CRADD: variants seen among roughly 807,000 people sequenced by gnomAD.
CRADD encodes the protein death domain-containing protein CRADD.
CRADD carries 9 observed loss-of-function variants against 15.5 expected under a neutral mutation model. The observed-to-expected ratio is 0.58, with a 90% confidence interval of 0.35 to 1.01. CRADD has a LOEUF of 1.01. Among genes scored for constraint, CRADD ranks in the 50% least tolerant of loss-of-function variants. The pLI is 0.02. For synonymous variants in CRADD, 118 were observed against 107.6 expected (o/e 1.10, Z -0.60); for missense variants, 227 against 250.3 (o/e 0.91, Z 0.63).
chr12:93,687,420 A>G (rs1196707463), intron 2 of CRADD, among the ~76,000 whole-genome samples: 1 of 152,146 alleles, frequency 6.6e-6, no homozygotes, highest in Non-Finnish European at 1.5e-5. Context: ...CTTTTACAAA[A>G]CTACTGATGC....
At chr12:93,857,110 G>A (rs953937222) in intron 2 of CRADD, among the ~76,000 whole-genome samples, 1 of 150,962 alleles carries the variant, frequency 6.6e-6, no homozygotes, top group Admixed American at 6.6e-5. Flanking sequence ...CATAGGCTAT[G>A]AAATCCAGGT....
intron 2 of CRADD, among the ~76,000 whole-genome samples, chr12:93,760,483 C>T (rs1263172040): frequency 6.6e-6 from 1 of 152,122 alleles, no homozygotes; most frequent in East Asian, 1.9e-4. Flanking sequence ...GCTAGGTTAG[C>T]AGTGTCCGTT....
chr12:93,746,130 A>G (rs545039430), intron 2 of CRADD, among the ~76,000 whole-genome samples: 21 of 152,206 alleles, frequency 1.4e-4, no homozygotes, highest in Non-Finnish European at 2.9e-4. Flanking sequence ...CTAGCAGCCA[A>G]AACAAAAAGA....
chr12:93,729,863 G>A (rs1956434147), intron 2 of CRADD, among the ~76,000 whole-genome samples: 1 of 151,742 alleles, frequency 6.6e-6, no homozygotes, highest in African/African-American at 2.4e-5. Flanking sequence ...TAATGTCAAT[G>A]TGGAGAAAAT....
downstream of CRADD, among the ~76,000 whole-genome samples, chr12:93,852,108 A>G (rs1958229593): frequency 3.9e-5 from 6 of 152,230 alleles, no homozygotes; most frequent in Non-Finnish European, 2.9e-5. Context: ...CACTGTGCCC[A>G]GTGATAGACT....
At chr12:93,699,893 G>A (rs545773441) in intron 2 of CRADD, among the ~76,000 whole-genome samples, 1 of 152,130 alleles carries the variant, frequency 6.6e-6, no homozygotes, top group African/African-American at 2.4e-5. Flanking sequence ...GTAAGAGAGG[G>A]GTAACATGCA....
At chr12:93,698,505 T>A (rs976584925) in intron 2 of CRADD, among the ~76,000 whole-genome samples, 6 of 152,226 alleles carry the variant, frequency 3.9e-5, no homozygotes, top group African/African-American at 1.4e-4. Context: ...CTTCTCTAAA[T>A]GACTCTTCAG....
intron 2 of CRADD, among the ~76,000 whole-genome samples, chr12:93,811,487 G>C (rs989817275): frequency 4.6e-5 from 7 of 152,200 alleles, no homozygotes; most frequent in Non-Finnish European, 8.8e-5. Context: ...TGCTGGTTTT[G>C]CTTGGTGATG....
At chr12:93,763,452 C>CT (rs201824419) in intron 2 of CRADD, among the ~76,000 whole-genome samples, 7,306 of 146,890 alleles carry the variant, frequency 0.05, 441 homozygotes, top group Admixed American at 0.13. Context: ...ATATTTTCTT[C>CT]TTTTTTTTTT....
At chr12:93,844,926 A>G (rs1468450302) in intron 2 of CRADD, among the ~76,000 whole-genome samples, 1 of 152,208 alleles carries the variant, frequency 6.6e-6, no homozygotes, top group Non-Finnish European at 1.5e-5. Context: ...ATACAGATCA[A>G]TATGGGAAGC....
intron 2 of CRADD, among the ~76,000 whole-genome samples, chr12:93,713,826 TG>T (rs1956116619): frequency 6.6e-6 from 1 of 152,192 alleles, no homozygotes; most frequent in Non-Finnish European, 1.5e-5. Context: ...TTTGATATAT[TG>T]GGTTACATAA....
rs116805891 is a variant in CRADD, at chr12:93,818,330, C to T, written c.299-31640C>T. On this transcript the variant is annotated intron_variant, in intron 2 of 2. Transcript: ENST00000332896. ...AAGAAGATGGGATACAAAAAGGTAC[C>T]TAGTGAAAAGGCAGCCTCTCCTTCA... Among the ~76,000 whole-genome samples, 348 of 152,238 alleles carry T rather than the reference C, an allele frequency of 2.3e-3. 1 individual carries two copies. The highest frequency in any genetic ancestry group is 7.8e-3 in the African/African-American group (324 of 41,554).
chr12:93,840,479 T>C (rs1382797566), intron 2 of CRADD, among the ~76,000 whole-genome samples: 1 of 152,254 alleles, frequency 6.6e-6, no homozygotes, highest in African/African-American at 2.4e-5. Context: ...TATTTTTCTA[T>C]GTATTAGGTC....
intron 2 of CRADD, among the ~76,000 whole-genome samples, chr12:93,683,761 C>T (rs768650743): frequency 6.6e-6 from 1 of 152,236 alleles, no homozygotes; most frequent in Non-Finnish European, 1.5e-5. Flanking sequence ...AGTCACTGAG[C>T]TCTTAATGGC....
intron 2 of CRADD, among the ~76,000 whole-genome samples, chr12:93,888,631 C>T (rs1958555057): frequency 6.6e-6 from 1 of 151,958 alleles, no homozygotes; most frequent in African/African-American, 2.4e-5. Context: ...GCATGCAAGG[C>T]AGGGTGGTGG....
intron 2 of CRADD, among the ~76,000 whole-genome samples, chr12:93,792,760 G>T (rs1957364233): frequency 6.6e-6 from 1 of 152,120 alleles, no homozygotes; most frequent in South Asian, 2.1e-4. Context: ...AGAAAAGTTA[G>T]ATAACCTCCC....
intron 2 of CRADD, among the ~76,000 whole-genome samples, chr12:93,796,002 G>A (rs1957411867): frequency 6.6e-6 from 1 of 152,202 alleles, no homozygotes; most frequent in Non-Finnish European, 1.5e-5. Flanking sequence ...GAGTAGATAA[G>A]TACTTCAAGA....
At chr12:93,838,227 T>TTC (rs1957999861) in intron 2 of CRADD, among the ~76,000 whole-genome samples, 1 of 150,754 alleles carries the variant, frequency 6.6e-6, no homozygotes, top group Admixed American at 6.6e-5. Context: ...TTTTTTTTTT[T>TTC]TTTTTTCTTT....
chr12:93,813,985 A>G (rs919933354), intron 2 of CRADD, among the ~76,000 whole-genome samples: 1 of 152,094 alleles, frequency 6.6e-6, no homozygotes, highest in Non-Finnish European at 1.5e-5. Flanking sequence ...TTGCTCCTAG[A>G]CCAAAAGTCC....
Sources: gnomAD v4.1 joint callset for allele counts (sites outside exome capture counted in the v4.1 genomes callset) on GRCh38, gnomAD v4.1.1 for gene constraint, MANE v1.5 for transcripts, NCBI Gene and HGNC (gene_info 2026-07-23, HGNC 2026-07-21) for gene names.